Variants in COL4A3 observed in about 807,000 individuals in gnomAD.
COL4A3 encodes collagen type IV alpha 3 chain, also known as collagen alpha-3(IV) chain.
In COL4A3, 135 loss-of-function variants were observed where a neutral mutation model predicts 217.4. The ratio of observed to expected loss-of-function variants is 0.62; its 90% CI spans 0.54 to 0.72. COL4A3 has a LOEUF of 0.72. COL4A3 is among the 30% of genes least tolerant of loss of function. COL4A3 has a pLI of 0.00. For missense variants in COL4A3, 1,868 were observed against 2,119.9 expected (o/e 0.88, Z 2.33); for synonymous variants, 690 against 736.3 (o/e 0.94, Z 1.02).
At chr2:227,302,961 G>T (rs1172538837) in intron 43 of COL4A3, 77 bp from the exon 44 acceptor site, 11 of 890,530 alleles carry the variant, frequency 1.2e-5, no homozygotes, top group South Asian at 1.2e-4. Flanking sequence ...TACCCTATTT[G>T]CATTTTTAAA....
rs1041406210 is a variant in COL4A3, at chr2:227,311,974, C to A, written c.*104C>A. ...TTTTCTTTAACCAAACAATATTGCT[C>A]CATGATGACTTAGTACAAAGTTTCA... On this transcript the variant is annotated 3_prime_UTR_variant, in exon 52 of 52. Transcript: ENST00000396578. 16 of 1,537,976 alleles carry A rather than the reference C, an allele frequency of 1.0e-5. No individual in the cohort carries two copies. Among genetic ancestry groups the A allele is most frequent in the Non-Finnish European group, 1.4e-5 (16 of 1,135,440 alleles).
rs1163171194 is a variant in COL4A3, at chr2:227,282,827, T to A, written c.2656+295T>A. Among the ~76,000 whole-genome samples, 1 of 152,174 alleles carries A rather than the reference T, an allele frequency of 6.6e-6. No homozygotes were observed. Among genetic ancestry groups the A allele is most frequent in the Non-Finnish European group, 1.5e-5 (1 of 68,024 alleles). ...TTTGCATTTATATTGAGAAGGGATA[T>A]TGGTCTGTAGCGTTCTTGTGATGTC... On this transcript the variant is annotated intron_variant, in intron 32 of 51. Coordinates refer to ENST00000396578, the MANE Select transcript of COL4A3 (RefSeq NM_000091.5). The surrounding 1 kb of genome is among the most constrained non-coding windows in gnomAD (Gnocchi z 4.4).
chr2:227,204,053 A>G (rs1471504543), intron 1 of COL4A3, among the ~76,000 whole-genome samples: 1 of 152,092 alleles, frequency 6.6e-6, no homozygotes, highest in East Asian at 1.9e-4. Context: ...CCTTTATAGT[A>G]TGGTGCTGAC....
rs2073444859 is a variant in COL4A3, at chr2:227,305,023, A to C, written c.4192A>C (p.Lys1398Gln). ...AAGAGGTAAGCCAGGCAAGGATGGA[A>C]AACCAGGAACTCCTGGACCAGCTGG... Reference protein sequence around the residue: ...GPRGKPGKDGKPGTPGPAGEK... With the variant: ...GPRGKPGKDGQPGTPGPAGEK... Residue 1398 changes from lysine to glutamine, a missense_variant, in exon 47 of 52, where the codon AAA (lysine) becomes CAA (glutamine). Transcript: ENST00000396578. The C allele has an allele frequency of 1.2e-6, 2 of 1,614,046 alleles. No homozygotes were observed. Among genetic ancestry groups the C allele is most frequent in the Admixed American group, 1.7e-5 (1 of 59,998 alleles).
At position 227,215,925 on chromosome 2, in the gene COL4A3, A is replaced by C. The variant is rs181482894; in HGVS notation, c.88-22043A>C. Among the ~76,000 whole-genome samples, 37 of 152,358 alleles carry C rather than the reference A, an allele frequency of 2.4e-4. 2 individuals are homozygous for C. In the East Asian group the frequency reaches 7.1e-3, roughly 29 times the overall value. ...ACAAATAAGAGGGTGTTTACATGCT[A>C]CAACATAGATGAACCTTGAGTTCCT... On this transcript the variant is annotated intron_variant, in intron 1 of 51. Coordinates refer to ENST00000396578, the MANE Select transcript of COL4A3 (RefSeq NM_000091.5).
intron 1 of COL4A3, among the ~76,000 whole-genome samples, chr2:227,233,883 T>C (rs2068545565): frequency 6.6e-6 from 1 of 152,110 alleles, no homozygotes; most frequent in South Asian, 2.1e-4. Flanking sequence ...ACATCAGGCC[T>C]CAGGTGTTCT....
At chr2:227,192,481 G>A (rs2066282393) in intron 1 of COL4A3, among the ~76,000 whole-genome samples, 1 of 147,766 alleles carries the variant, frequency 6.8e-6, no homozygotes, top group African/African-American at 2.5e-5. Context: ...GCTAATTGTG[G>A]AATCAAATGA....
At chr2:227,198,758 G>A (rs1330430025) in intron 1 of COL4A3, among the ~76,000 whole-genome samples, 1 of 152,110 alleles carries the variant, frequency 6.6e-6, no homozygotes, top group Admixed American at 6.6e-5. Flanking sequence ...AGAGAGAAGA[G>A]CCTGTAGAAA....
intron 1 of COL4A3, among the ~76,000 whole-genome samples, chr2:227,219,974 T>G (rs1033952973): frequency 6.6e-6 from 1 of 152,126 alleles, no homozygotes; most frequent in African/African-American, 2.4e-5. Context: ...GTCCAAATTC[T>G]GCCCCAAGAT....
intron 20 of COL4A3, among the ~76,000 whole-genome samples, chr2:227,261,749 G>A: frequency 6.6e-6 from 1 of 152,186 alleles, no homozygotes; most frequent in East Asian, 1.9e-4. Flanking sequence ...AGAAAACAAT[G>A]TCATGGTAAT....
At chr2:227,196,114 T>C (rs55881571) in intron 1 of COL4A3, among the ~76,000 whole-genome samples, 31,387 of 151,940 alleles carry the variant, frequency 0.21, 3,656 homozygotes, top group Non-Finnish European at 0.27. Context: ...TGGGCTCAGG[T>C]TAATTTATTA....
chr2:227,209,801 C>T (rs1172592312), intron 1 of COL4A3, among the ~76,000 whole-genome samples: 1 of 152,134 alleles, frequency 6.6e-6, no homozygotes, highest in Non-Finnish European at 1.5e-5. Flanking sequence ...GAGATCGTGC[C>T]ATTGCGCTCC....
chr2:227,198,818 T>G (rs1370387691), intron 1 of COL4A3, among the ~76,000 whole-genome samples: 1 of 152,236 alleles, frequency 6.6e-6, no homozygotes, highest in Non-Finnish European at 1.5e-5. Context: ...TTTATTTAAA[T>G]TTTGACCATT....
chr2:227,299,611 A>C (rs1217759555), intron 43 of COL4A3, among the ~76,000 whole-genome samples: 1 of 152,230 alleles, frequency 6.6e-6, no homozygotes, highest in Non-Finnish European at 1.5e-5. Flanking sequence ...CAAGAGTACT[A>C]TTATACTCTT....
intron 23 of COL4A3, among the ~76,000 whole-genome samples, chr2:227,268,101 A>G (rs1192501388): frequency 6.6e-5 from 10 of 152,180 alleles, no homozygotes; most frequent in Admixed American, 6.5e-4. Flanking sequence ...TGCCACCAGC[A>G]CCTTGGTCTT....
At chr2:227,202,841 A>T (rs1274787489) in intron 1 of COL4A3, among the ~76,000 whole-genome samples, 1 of 54,246 alleles carries the variant, frequency 1.8e-5, no homozygotes, top group African/African-American at 9.0e-5. Context: ...CTATGTGTAT[A>T]TATACATATG....
In COL4A3 at chr2:227,227,392, T is replaced by C. The variant is rs1220880529; in HGVS notation, c.88-10576T>C. Among the ~76,000 whole-genome samples the C allele has an allele frequency of 2.0e-5, 3 of 151,768 alleles. No individual in the cohort carries two copies. In the East Asian group the frequency reaches 5.8e-4, roughly 30 times the overall value. The stretch of plus-strand genomic sequence containing the variant: ...TGGGTGGATCACTTGAGCTCAGGAG[T>C]TTGAGACCAGCCTGGCCAACATGGT... On this transcript the variant is annotated intron_variant, in intron 1 of 51. Transcript: ENST00000396578.
chr2:227,203,960 T>C (rs556058668), intron 1 of COL4A3, among the ~76,000 whole-genome samples: 2 of 152,226 alleles, frequency 1.3e-5, no homozygotes, highest in South Asian at 2.1e-4. Context: ...CCCAGACCAG[T>C]ACCAGGGCTT....
intron 1 of COL4A3, among the ~76,000 whole-genome samples, chr2:227,194,960 G>A (rs897517725): frequency 2.0e-5 from 3 of 152,060 alleles, no homozygotes; most frequent in Non-Finnish European, 4.4e-5. Flanking sequence ...TTTCCTGTTA[G>A]AGTATATATT....
Sources: gnomAD v4.1 joint callset for allele counts (sites outside exome capture counted in the v4.1 genomes callset) on GRCh38, gnomAD v4.1.1 for gene constraint, Gnocchi (gnomAD v3.1) non-coding constraint, MANE v1.5 for transcripts, NCBI Gene and HGNC (gene_info 2026-07-23, HGNC 2026-07-21) for gene names.